The following ASTN2 variants were observed in gnomAD, a reference collection of about 807,000 sequenced individuals.
The protein encoded by ASTN2 is astrotactin 2.
A neutral mutation model predicts 139.8 loss-of-function variants in ASTN2; 54 were observed. That is an observed-to-expected ratio of 0.39 (90% confidence interval 0.31 to 0.48). The LOEUF is 0.48. ASTN2 is among the 20% of genes least tolerant of loss of function. ASTN2 has a pLI of 0.95. For missense variants in ASTN2, 1,565 were observed against 1,725.1 expected (o/e 0.91, Z 1.64); for synonymous variants, 756 against 719.5 (o/e 1.05, Z -0.81).
At chr9:117,090,195 A>G (rs903717560) in intron 5 of ASTN2, among the ~76,000 whole-genome samples, 1 of 152,222 alleles carries the variant, frequency 6.6e-6, no homozygotes, top group Non-Finnish European at 1.5e-5. Context: ...CAGTCTAACA[A>G]CAAAGTTGAG....
chr9:116,730,004 TG>T (rs1351947965), intron 14 of ASTN2, among the ~76,000 whole-genome samples: 1 of 152,234 alleles, frequency 6.6e-6, no homozygotes, highest in Non-Finnish European at 1.5e-5. Context: ...TGATTAACTT[TG>T]GGCGGTGGTA....
intron 1 of ASTN2, among the ~76,000 whole-genome samples, chr9:117,329,452 G>A (rs1828631067): frequency 6.6e-6 from 1 of 152,090 alleles, no homozygotes; most frequent in African/African-American, 2.4e-5. Flanking sequence ...GAGAGGAGAG[G>A]GAGAGGAGAG....
chr9:116,668,145 T>C (rs1422561360), intron 16 of ASTN2, among the ~76,000 whole-genome samples: 1 of 151,902 alleles, frequency 6.6e-6, no homozygotes, highest in Non-Finnish European at 1.5e-5. Flanking sequence ...TTTTACCTTT[T>C]CCAGAATGTC....
intron 16 of ASTN2, among the ~76,000 whole-genome samples, chr9:116,716,866 G>C (rs1168763238): frequency 6.6e-6 from 1 of 152,206 alleles, no homozygotes; most frequent in Non-Finnish European, 1.5e-5. Flanking sequence ...TAAATTCCAA[G>C]TCTTAGCTTT....
rs1050198859 is a variant in ASTN2 at position 117,173,343 on chromosome 9, C to A, written c.1016-31865G>T. 3.9e-5 allele frequency among the ~76,000 whole-genome samples: 6 copies of A among 152,068 alleles called. No individual in the cohort carries two copies. The East Asian group carries it at 1.2e-3, about 29-fold the overall frequency. ...CAACCGTAACTACAAAAAAATCAAG[C>A]AGGCAAAAAATTAGATATAGAAATT... On this transcript the variant is annotated intron_variant, in intron 3 of 22. Coordinates refer to ENST00000313400, the MANE Select transcript of ASTN2 (RefSeq NM_001365068.1).
At chr9:116,565,388 C>CTCTCTCTCTCTCTCTCTCT (rs1564120372) in intron 19 of ASTN2, among the ~76,000 whole-genome samples, 12 of 34,008 alleles carry the variant, frequency 3.5e-4, no homozygotes, top group Non-Finnish European at 5.3e-4. Context: ...TCTCTCTCTC[C>CTCTCTCTCTCTCTCTCTCT]ATATATATAT....
intron 7 of ASTN2, among the ~76,000 whole-genome samples, chr9:117,006,973 G>A (rs573140923): frequency 9.2e-5 from 14 of 152,144 alleles, no homozygotes; most frequent in Admixed American, 2.0e-4. Context: ...AAAAATTAGC[G>A]ACGTGTGGTG....
At chr9:117,243,805 C>T (rs935547761) in intron 2 of ASTN2, among the ~76,000 whole-genome samples, 49 of 152,242 alleles carry the variant, frequency 3.2e-4, no homozygotes, top group African/African-American at 1.2e-3. Context: ...ACATTCAGAC[C>T]CAGACACTGT....
intron 1 of ASTN2, among the ~76,000 whole-genome samples, chr9:117,379,602 G>C (rs777344595): frequency 2.6e-5 from 4 of 152,180 alleles, no homozygotes; most frequent in African/African-American, 4.8e-5. Flanking sequence ...CATTTACTGA[G>C]TTTGCTTCAA....
intron 10 of ASTN2, among the ~76,000 whole-genome samples, chr9:116,925,482 CT>C (rs1275790701): frequency 6.6e-6 from 1 of 152,194 alleles, no homozygotes; most frequent in Non-Finnish European, 1.5e-5. Context: ...ACAAGTCAGG[CT>C]CCTTTTCCAG....
At chr9:116,647,031 TCTC>T (rs1857624795) in intron 17 of ASTN2, among the ~76,000 whole-genome samples, 1 of 152,148 alleles carries the variant, frequency 6.6e-6, no homozygotes, top group Admixed American at 6.5e-5. Flanking sequence ...ATGTTCTCAT[TCTC>T]CTCTTCCTTT....
At position 116,442,114 on chromosome 9, in the gene ASTN2, T is replaced by G. The variant is rs147363528; in HGVS notation, c.3598+339A>C. Reference sequence around the variant, plus strand: ...GCAACGACAAGTGGGAGAAAATGATTGGTCCCTGAGAAATCTAGGCCAAGG... The same window carrying G: ...GCAACGACAAGTGGGAGAAAATGATGGGTCCCTGAGAAATCTAGGCCAAGG... On this transcript the variant is annotated intron_variant, in intron 21 of 22. Coordinates refer to ENST00000313400, the MANE Select transcript of ASTN2 (RefSeq NM_001365068.1). Among the ~76,000 whole-genome samples, 418 of 152,294 alleles carry G rather than the reference T, an allele frequency of 2.7e-3. 1 individual carries two copies. The highest frequency in any genetic ancestry group is 7.9e-3 in the African/African-American group (329 of 41,570).
At chr9:117,371,619 A>G (rs1829992897) in intron 1 of ASTN2, among the ~76,000 whole-genome samples, 3 of 152,124 alleles carry the variant, frequency 2.0e-5, no homozygotes, top group South Asian at 4.1e-4. Flanking sequence ...CAATTTCTTG[A>G]TCTGTAAAGT....
At chr9:117,262,188 G>A (rs551002660) in intron 2 of ASTN2, among the ~76,000 whole-genome samples, 39 of 152,172 alleles carry the variant, frequency 2.6e-4, no homozygotes, top group African/African-American at 9.4e-4. Flanking sequence ...GGTGGTACCA[G>A]AGTGTGGGTA....
intron 20 of ASTN2, among the ~76,000 whole-genome samples, chr9:116,477,724 A>G (rs1291633071): frequency 1.3e-5 from 2 of 151,768 alleles, no homozygotes; most frequent in African/African-American, 4.8e-5. Context: ...ATACAGACAC[A>G]AAAAGACAGA....
chr9:116,572,034 C>G (rs932397236), intron 19 of ASTN2, among the ~76,000 whole-genome samples: 4 of 152,086 alleles, frequency 2.6e-5, no homozygotes, highest in Non-Finnish European at 4.4e-5. Context: ...TTCTCTAAAT[C>G]CCCTGGCTGC....
chr9:116,667,512 A>C (rs1242911541), intron 16 of ASTN2, among the ~76,000 whole-genome samples: 7 of 152,216 alleles, frequency 4.6e-5, no homozygotes, highest in Non-Finnish European at 1.0e-4. Context: ...TATTGACAAC[A>C]ATTATTGCTA....
At chr9:117,122,974 G>C (rs1238453287) in intron 4 of ASTN2, among the ~76,000 whole-genome samples, 1 of 152,106 alleles carries the variant, frequency 6.6e-6, no homozygotes, top group Non-Finnish European at 1.5e-5. Flanking sequence ...GGAGCAGAAA[G>C]CTCCAAAAGG....
At chr9:117,257,791 T>A (rs1330944804) in intron 2 of ASTN2, among the ~76,000 whole-genome samples, 1 of 152,140 alleles carries the variant, frequency 6.6e-6, no homozygotes, top group Non-Finnish European at 1.5e-5. Flanking sequence ...AGGAGTGGAC[T>A]AAATGTATAA....
Sources: gnomAD v4.1 joint callset for allele counts (sites outside exome capture counted in the v4.1 genomes callset) on GRCh38, gnomAD v4.1.1 for gene constraint, MANE v1.5 for transcripts, NCBI Gene and HGNC (gene_info 2026-07-23, HGNC 2026-07-21) for gene names.